The following SHISA6 variants were observed in gnomAD, a reference collection of about 807,000 sequenced individuals.
The protein encoded by SHISA6 is shisa family member 6.
In SHISA6, 22 loss-of-function variants were observed where a neutral mutation model predicts 47.9. The ratio of observed to expected loss-of-function variants is 0.46; its 90% CI spans 0.33 to 0.66. The LOEUF is 0.66. Among genes scored for constraint, SHISA6 ranks in the 30% least tolerant of loss-of-function variants. SHISA6 has a pLI of 0.02. For synonymous variants in SHISA6, 388 were observed against 337.8 expected, an observed-to-expected ratio of 1.15 and a Z score of -1.63; for missense variants, 680 against 764.6, an observed-to-expected ratio of 0.89 and a Z score of 1.30.
At chr17:11,425,457 T>C (rs1287225630) in intron 3 of SHISA6, among the ~76,000 whole-genome samples, 2 of 152,170 alleles carry the variant, frequency 1.3e-5, no homozygotes, top group Admixed American at 1.3e-4. Context: ...CATTCTACCA[T>C]ATCATTTCCA....
intron 3 of SHISA6, among the ~76,000 whole-genome samples, chr17:11,509,275 T>A (rs2071524262): frequency 6.6e-6 from 1 of 152,180 alleles, no homozygotes. Flanking sequence ...CCATGAACAA[T>A]CTTGGGGAAC....
chr17:11,543,816 C>A (rs1162582278), intron 3 of SHISA6, among the ~76,000 whole-genome samples: 2 of 150,114 alleles, frequency 1.3e-5, no homozygotes, highest in Non-Finnish European at 3.0e-5. Context: ...GCAAATATAC[C>A]CAACTGATTT....
At chr17:11,543,214 C>A (rs113800811) in intron 3 of SHISA6, among the ~76,000 whole-genome samples, 1,752 of 152,128 alleles carry the variant, frequency 0.012, 44 homozygotes, top group African/African-American at 0.04. Flanking sequence ...GTATATAAAG[C>A]AATAATTTTT....
intron 3 of SHISA6, among the ~76,000 whole-genome samples, chr17:11,409,790 A>C (rs145238461): frequency 6.6e-6 from 1 of 152,104 alleles, no homozygotes; most frequent in East Asian, 1.9e-4. Context: ...CATCTCAACC[A>C]CATACAGGTA....
At chr17:11,252,257 C>G (rs1389024939) in intron 1 of SHISA6, among the ~76,000 whole-genome samples, 1 of 152,162 alleles carries the variant, frequency 6.6e-6, no homozygotes, top group Non-Finnish European at 1.5e-5. Context: ...CTGCAGTCTT[C>G]GCAAACACTC....
intron 3 of SHISA6, among the ~76,000 whole-genome samples, chr17:11,388,790 TTATATATATATATATATATATA>T (rs56048344): frequency 0.011 from 565 of 50,024 alleles, 16 homozygotes; most frequent in Admixed American, 0.018. Context: ...AAACAAAAGT[TTATATATATATATATATATATA>T]TATATATATA....
intron 3 of SHISA6, among the ~76,000 whole-genome samples, chr17:11,500,313 G>T (rs1011631087): frequency 4.6e-5 from 7 of 152,162 alleles, no homozygotes; most frequent in African/African-American, 1.7e-4. Context: ...AATGTTTAGA[G>T]ATGGAAGCCA....
intron 2 of SHISA6, among the ~76,000 whole-genome samples, chr17:11,376,532 G>T (rs550922407): frequency 6.6e-6 from 1 of 151,994 alleles, no homozygotes; most frequent in Non-Finnish European, 1.5e-5. Context: ...TGCCATGTTA[G>T]CCAGGATGGT....
At chr17:11,346,240 A>C (rs1054673813) in intron 2 of SHISA6, among the ~76,000 whole-genome samples, 2 of 152,258 alleles carry the variant, frequency 1.3e-5, no homozygotes, top group Middle Eastern at 3.4e-3. Context: ...AAAAGACAAA[A>C]CTTAAAAAAG....
At chr17:11,545,969 A>C (rs2908957) in intron 3 of SHISA6, among the ~76,000 whole-genome samples, 63,721 of 152,046 alleles carry the variant, frequency 0.42, 13,871 homozygotes, top group East Asian at 0.59. Flanking sequence ...GCTGTATTCT[A>C]TTCATTGAGA....
intron 3 of SHISA6, among the ~76,000 whole-genome samples, chr17:11,436,960 T>C (rs753578711): frequency 1.3e-5 from 2 of 152,230 alleles, no homozygotes; most frequent in Non-Finnish European, 2.9e-5. Context: ...GAAAAATCAT[T>C]AGGCTCCTGT....
At position 11,558,745 on chromosome 17, in the gene SHISA6, T is replaced by C. The variant is rs1954869372; in HGVS notation, c.*441T>C. ...CAATCAGTGGGCTGACCGGATAGGC[T>C]ACTCGGTCTCATTCATTCATCTAGA... On this transcript the variant is annotated 3_prime_UTR_variant, in exon 6 of 6. Coordinates refer to ENST00000441885, the MANE Select transcript of SHISA6 (RefSeq NM_207386.4). The C allele has an allele frequency of 4.7e-6, 1 of 212,818 alleles. No individual in the cohort carries two copies. Among genetic ancestry groups the C allele is most frequent in the South Asian group, 9.3e-5 (1 of 10,792 alleles). The allele number at this position is 212,818 out of a possible 1,614,324, so 13.2% of individuals were successfully genotyped here.
chr17:11,476,701 C>T (rs1455693724), intron 3 of SHISA6, among the ~76,000 whole-genome samples: 2 of 151,816 alleles, frequency 1.3e-5, no homozygotes, highest in East Asian at 1.9e-4. Flanking sequence ...TTGGTGAGTG[C>T]TCCATGTGAA....
chr17:11,451,326 C>T (rs958751845), intron 3 of SHISA6, among the ~76,000 whole-genome samples: 1 of 152,158 alleles, frequency 6.6e-6, no homozygotes, highest in Non-Finnish European at 1.5e-5. Context: ...TCTCTTTGCC[C>T]TATGGAGGAG....
At chr17:11,442,884 GCCTT>G (rs1364542560) in intron 3 of SHISA6, among the ~76,000 whole-genome samples, 1 of 152,162 alleles carries the variant, frequency 6.6e-6, no homozygotes, top group Non-Finnish European at 1.5e-5. Flanking sequence ...GACTTCTGCA[GCCTT>G]CCTTTTAGCC....
At chr17:11,248,460 G>A (rs781078092) in intron 1 of SHISA6, among the ~76,000 whole-genome samples, 2 of 152,122 alleles carry the variant, frequency 1.3e-5, no homozygotes, top group African/African-American at 4.8e-5. Context: ...GTGTTCTAGC[G>A]CTCAGACTCA....
chr17:11,473,940 G>A (rs1477642023), intron 3 of SHISA6, among the ~76,000 whole-genome samples: 2 of 151,888 alleles, frequency 1.3e-5, no homozygotes, highest in Non-Finnish European at 2.9e-5. Context: ...CCCAGTGTGT[G>A]TTGTCCCCCT....
At chr17:11,249,624 C>T (rs544395346) in intron 1 of SHISA6, among the ~76,000 whole-genome samples, 1 of 152,166 alleles carries the variant, frequency 6.6e-6, no homozygotes. Context: ...CCTTGGGAGG[C>T]CGCATGCTGA....
intron 1 of SHISA6, among the ~76,000 whole-genome samples, chr17:11,255,286 C>A (rs1907965198): frequency 6.7e-6 from 1 of 149,970 alleles, no homozygotes; most frequent in African/African-American, 2.5e-5. Flanking sequence ...AGGGAAATGA[C>A]AATAATGTTT....
Sources: allele counts gnomAD v4.1 joint callset (sites outside exome capture counted in the v4.1 genomes callset), GRCh38; gene constraint gnomAD v4.1.1; transcripts MANE v1.5; gene names NCBI Gene and HGNC (gene_info 2026-07-23, HGNC 2026-07-21).